AATK: variants seen among roughly 807,000 people sequenced by gnomAD.
The protein encoded by AATK is lemur tail kinase 1.
Under a neutral mutation model 114.3 loss-of-function variants are expected in AATK, and 91 were observed. That is an observed-to-expected ratio of 0.80 (90% CI 0.67 to 0.95). The LOEUF is 0.95. AATK is among the 40% of genes least tolerant of loss of function. The probability of loss-of-function intolerance (pLI) is 0.00; values close to 1 mark genes in which losing one functional copy is unlikely to be tolerated. For synonymous variants in AATK, 1,075 were observed against 916.5 expected (o/e 1.17, Z -3.12); for missense variants, 2,176 against 1,965.2 (o/e 1.11, Z -2.03).
intron 1 of AATK, among the ~76,000 whole-genome samples, chr17:81,148,963 G>C (rs2061259617): frequency 6.6e-6 from 1 of 152,178 alleles, no homozygotes; most frequent in African/African-American, 2.4e-5. Context: ...CCAGGTGAGG[G>C]AGACACGGAG....
intron 7 of AATK, 24 bp from the exon 8 acceptor site, chr17:81,125,038 GGCAGGGTGA>G (rs56393392): frequency 0.81 from 1,106,184 of 1,367,380 alleles, 455,152 homozygotes; most frequent in East Asian, 0.98. Context: ...CAGGGGCAGG[GGCAGGGTGA>G]GCAGGGTGAG....
rs2060702673 is a variant in AATK at position 81,121,791 on chromosome 17, T to C, written c.2145A>G (p.Pro715=). 1 of 1,565,578 alleles carries C rather than the reference T, an allele frequency of 6.4e-7. No individual in the cohort carries two copies. Among genetic ancestry groups the C allele is most frequent in the South Asian group, 1.1e-5 (1 of 87,782 alleles). The change falls in exon 11 of 14, where the codon CCA becomes CCG. Residue 715 remains proline, a synonymous_variant. Transcript: ENST00000326724. The stretch of plus-strand genomic sequence containing the variant: ...GGTACCCCGGCTCGGGGGAGGCCCG[T>C]GGGGTCTGCTTTGGACTGGGGCAGC... ...AEGCPSPKQT[P]RASPEPGYPG...
chr17:81,159,971 G>A (rs991688805), intron 1 of AATK, among the ~76,000 whole-genome samples: 1 of 152,164 alleles, frequency 6.6e-6, no homozygotes, highest in African/African-American at 2.4e-5. Context: ...CTCCCCGAGG[G>A]TGAGATGGGG....
chr17:81,138,061 C>T (rs953961226), intron 1 of AATK, among the ~76,000 whole-genome samples: 4 of 150,154 alleles, frequency 2.7e-5, no homozygotes, highest in Admixed American at 6.6e-5. Flanking sequence ...GACCCACACC[C>T]GTGCACCCGG....
At chr17:81,140,920 TGGGACCGTGGGACCATGGGGCC>T (rs2061125373) in intron 1 of AATK, among the ~76,000 whole-genome samples, 1 of 59,242 alleles carries the variant, frequency 1.7e-5, no homozygotes, top group African/African-American at 7.1e-5. Flanking sequence ...CGTGGGGCCG[TGGGACCGTGGGACCATGGGGCC>T]GTGAGCCGTG....
Position 81,128,745 on chromosome 17 carries a change from GC to G in AATK, c.335-197del, listed in dbSNP as rs2060886292. 8.6e-6 allele frequency: 12 copies of G among 1,401,542 alleles called. No homozygotes were observed. In the South Asian group the frequency reaches 1.6e-4, roughly 19 times the overall value. The allele number at this position is 1,401,542 out of a possible 1,614,324, so 86.8% of individuals were successfully genotyped here. On this transcript the variant is annotated intron_variant, in intron 3 of 13. Coordinates refer to ENST00000326724, the MANE Select transcript of AATK (RefSeq NM_001080395.3). ...GCAGGGGCCGCTGCTTCCCAGAAAA[GC>G]CACGGAGCTGCAGGATCCATCCGGG...
chr17:81,134,091 G>A (rs995419979), intron 2 of AATK, among the ~76,000 whole-genome samples: 1 of 152,164 alleles, frequency 6.6e-6, no homozygotes, highest in Non-Finnish European at 1.5e-5. Context: ...CTCAGCCTCC[G>A]TGAGTGCTCG....
chr17:81,163,674 C>T (rs1172559928), intron 1 of AATK, among the ~76,000 whole-genome samples: 5 of 152,244 alleles, frequency 3.3e-5, no homozygotes, highest in African/African-American at 4.8e-5. Flanking sequence ...CTGCCCTGCC[C>T]GCATCTGCCT....
At chr17:81,120,150 G>GC in intron 11 of AATK, 51 bp downstream of exon 11, 1 of 1,516,418 alleles carries the variant, frequency 6.6e-7, no homozygotes, top group Non-Finnish European at 8.8e-7. Flanking sequence ...ACCCCTTCCT[G>GC]CGGGAGCGCG....
chr17:81,135,038 A>G (rs1005637515), intron 1 of AATK, among the ~76,000 whole-genome samples: 1 of 152,164 alleles, frequency 6.6e-6, no homozygotes, highest in African/African-American at 2.4e-5. Context: ...GCCAGGCAGC[A>G]GGGCTCCCGT....
At chr17:81,133,196 G>T in intron 2 of AATK, 1 of 487,704 alleles carries the variant, frequency 2.1e-6, no homozygotes, top group Admixed American at 2.3e-5. Flanking sequence ...GGTTGATGGG[G>T]CCTGTGGCCA....
rs912691583 is a variant in AATK at position 81,117,797 on chromosome 17, G to C, written c.*605C>G. On this transcript the variant is annotated 3_prime_UTR_variant, in exon 14 of 14. Transcript: ENST00000326724. Reference sequence around the variant, plus strand: ...CAGCCTGTTCCCTGTGGGAAGGGTGGGCTTACGGGTCTAGCTGAGTCAGTG... The same window carrying C: ...CAGCCTGTTCCCTGTGGGAAGGGTGCGCTTACGGGTCTAGCTGAGTCAGTG... 2.6e-4 allele frequency: 40 copies of C among 152,432 alleles called. No homozygotes were observed. Among genetic ancestry groups the C allele is most frequent in the African/African-American group, 9.1e-4 (38 of 41,584 alleles). The allele number at this position is 152,432 out of a possible 1,614,324, so 9.4% of individuals were successfully genotyped here. A position where few individuals can be genotyped will look rare whatever the true frequency, so the allele number is the denominator to read the frequency against.
chr17:81,154,319 C>CTTTTTTTTTTTTTTT (rs202002919), intron 1 of AATK, among the ~76,000 whole-genome samples: 4 of 113,806 alleles, frequency 3.5e-5, no homozygotes, highest in Non-Finnish European at 5.1e-5. Context: ...TTTTTTCTTT[C>CTTTTTTTTTTTTTTT]TTTTTTTTTT....
intron 2 of AATK, among the ~76,000 whole-genome samples, chr17:81,132,291 G>A (rs1203288547): frequency 6.6e-6 from 1 of 152,348 alleles, no homozygotes; most frequent in Non-Finnish European, 1.5e-5. Flanking sequence ...CAGCACCCGG[G>A]CTGGTGAGTC....
intron 13 of AATK, among the ~76,000 whole-genome samples, 196 bp downstream of exon 13, chr17:81,119,184 T>TCAGGTGAGGGC (rs1476029685): frequency 5.7e-5 from 3 of 52,620 alleles, no homozygotes; most frequent in African/African-American, 2.3e-4. Context: ...CAGGTGAGGG[T>TCAGGTGAGGGC]CAGGTGAGGG....
chr17:81,157,188 C>T (rs541652148), intron 1 of AATK, among the ~76,000 whole-genome samples: 13 of 152,346 alleles, frequency 8.5e-5, no homozygotes, highest in East Asian at 3.9e-4. Flanking sequence ...CGAATGTCCA[C>T]GGATAAGGAG....
At chr17:81,118,886 G>A (rs571993544) in intron 13 of AATK, among the ~76,000 whole-genome samples, 28 of 152,356 alleles carry the variant, frequency 1.8e-4, no homozygotes, top group Admixed American at 1.1e-3. Flanking sequence ...AGGCACGTGG[G>A]CAGAGGCTGT....
Position 81,155,072 on chromosome 17 carries a change from G to A in AATK, c.55+10866C>T, listed in dbSNP as rs190882884. Among the ~76,000 whole-genome samples the A allele has an allele frequency of 5.9e-5, 9 of 152,288 alleles. No individual in the cohort carries two copies. In the East Asian group the frequency reaches 9.7e-4, roughly 16 times the overall value. On this transcript the variant is annotated intron_variant, in intron 1 of 13. Coordinates refer to ENST00000326724, the MANE Select transcript of AATK (RefSeq NM_001080395.3). ...TCTCATTCATCTTTGCACTTTTTGC[G>A]TGTTTGACTCCACGGATGTGCATCA... is the stretch of plus-strand genomic sequence containing the variant.
chr17:81,119,253 G>T (rs1049439262), intron 13 of AATK, 127 bp downstream of exon 13: 8 of 949,770 alleles, frequency 8.4e-6, no homozygotes, highest in Non-Finnish European at 1.1e-5. Context: ...AGCGGGGCCG[G>T]GAAGGAGCGG....
Sources: gnomAD v4.1 joint callset for allele counts (sites outside exome capture counted in the v4.1 genomes callset) on GRCh38, gnomAD v4.1.1 for gene constraint, MANE v1.5 for transcripts, NCBI Gene and HGNC (gene_info 2026-07-23, HGNC 2026-07-21) for gene names.